NEUROD6: variants seen among roughly 807,000 people sequenced by gnomAD.
The protein encoded by NEUROD6 is neurogenic differentiation factor 6.
A neutral mutation model predicts 24.1 loss-of-function variants in NEUROD6; 5 were observed. The observed-to-expected ratio is 0.21, with a 90% CI of 0.11 to 0.44. The LOEUF is 0.44. Ranked by LOEUF, NEUROD6 falls within the 20% of genes least tolerant of loss-of-function variation. The probability of loss-of-function intolerance (pLI) is 0.99; values close to 1 mark genes in which losing one functional copy is unlikely to be tolerated. For missense variants in NEUROD6, 325 were observed against 409.5 expected (o/e 0.79, Z 1.78); for synonymous variants, 182 against 154.1 (o/e 1.18, Z -1.34).
intron 1 of NEUROD6, among the ~76,000 whole-genome samples, chr7:31,339,684 G>T (rs571768894): frequency 3.3e-5 from 5 of 152,112 alleles, no homozygotes; most frequent in Non-Finnish European, 5.9e-5. Context: ...AGCACAAAAT[G>T]AGAAGATAAA....
In NEUROD6 at chr7:31,340,710, A is replaced by G. The variant is rs183525720; in HGVS notation, c.-139T>C. 43 of 152,622 alleles carry G rather than the reference A, an allele frequency of 2.8e-4. No individual in the cohort carries two copies. Among genetic ancestry groups the G allele is most frequent in the Admixed American group, 1.5e-3 (23 of 15,298 alleles). 9.5% of individuals were successfully genotyped at this position (152,622 alleles called of 1,614,324 possible). A position where few individuals can be genotyped will look rare whatever the true frequency, so the allele number is the denominator to read the frequency against. ...GATCTGTGTATATCTGCACTATCTCATTGATCTCTAAAAAGTGACATTGAT... is the reference window on the plus strand; with the variant it reads ...GATCTGTGTATATCTGCACTATCTCGTTGATCTCTAAAAAGTGACATTGAT... On this transcript the variant is annotated 5_prime_UTR_variant, in exon 1 of 2. An upstream start codon of the reference 5' UTR is lost. Coordinates refer to ENST00000297142, the MANE Select transcript of NEUROD6 (RefSeq NM_022728.4).
In NEUROD6 at chr7:31,337,702, A is replaced by C. The variant is rs1212783140; in HGVS notation, c.*553T>G. 6.5e-6 allele frequency: 1 copy of C among 152,778 alleles called. No homozygotes were observed. The highest frequency in any genetic ancestry group is 2.4e-5 in the African/African-American group (1 of 41,454). The allele number at this position is 152,778 out of a possible 1,614,324, so 9.5% of individuals were successfully genotyped here. ...GAATAGTTACCAATTGAATGCATTT[A>C]GATTCATCCTTAATAAAAAGAAAAT... On this transcript the variant is annotated 3_prime_UTR_variant, in exon 2 of 2. Transcript: ENST00000297142.
chr7:31,337,777 G>C lies in NEUROD6; in HGVS notation c.*478C>G, dbSNP rs1466962907. The stretch of plus-strand genomic sequence containing the variant: ...AATTCATCTCCCAATATCATTGTCA[G>C]CTTAGTGATATTCTCCATATTTTAA... On this transcript the variant is annotated 3_prime_UTR_variant, in exon 2 of 2. Coordinates refer to ENST00000297142, the MANE Select transcript of NEUROD6 (RefSeq NM_022728.4). 6.5e-6 allele frequency: 1 copy of C among 153,112 alleles called. No individual in the cohort carries two copies. The highest frequency in any genetic ancestry group is 1.5e-5 in the Non-Finnish European group (1 of 68,442). 9.5% of individuals were successfully genotyped at this position (153,112 alleles called of 1,614,324 possible). A position where few individuals can be genotyped will look rare whatever the true frequency, so the allele number is the denominator to read the frequency against.
chr7:31,338,424 C>T lies in NEUROD6; in HGVS notation c.845G>A (p.Gly282Asp). 1 of 1,614,066 alleles carries T rather than the reference C, an allele frequency of 6.2e-7. No homozygotes were observed. The highest frequency in any genetic ancestry group is 8.5e-7 in the Non-Finnish European group (1 of 1,180,020). The change falls in exon 2 of 2, where the codon GGT becomes GAT. Residue 282 changes from glycine (G) to aspartate (D), a missense_variant. Around this residue, in one of 3 missense-constraint regions of NEUROD6, gnomAD observed 175 missense variants for 201.3 expected, o/e 0.87. Coordinates refer to ENST00000297142, the MANE Select transcript of NEUROD6 (RefSeq NM_022728.4). This position sits in a 1 kb window ranked among gnomAD's most constrained non-coding sequence, Gnocchi z 5.1. Reference sequence around the variant, plus strand: ...ATGCATGCCGTAATTGTAATTTTTACCATAGTCCAAGGTTTCTTCTTGCTT... The same window carrying T: ...ATGCATGCCGTAATTGTAATTTTTATCATAGTCCAAGGTTTCTTCTTGCTT... Reference protein sequence around the residue: ...SLKQEETLDYGKNYNYGMHYC... With the variant: ...SLKQEETLDYDKNYNYGMHYC...
chr7:31,338,432 C>T lies in NEUROD6; in HGVS notation c.837G>A (p.Leu279=). ...GIFSLKQEET[L]DYGKNYNYGM... ...CGTAATTGTAATTTTTACCATAGTCCAAGGTTTCTTCTTGCTTCAGGGAAA... is the reference window on the plus strand; with the variant it reads ...CGTAATTGTAATTTTTACCATAGTCTAAGGTTTCTTCTTGCTTCAGGGAAA... The change falls in exon 2 of 2, where the codon TTG becomes TTA. Residue 279 remains leucine (L), a synonymous_variant. Coordinates refer to ENST00000297142, the MANE Select transcript of NEUROD6 (RefSeq NM_022728.4). The surrounding 1 kb of genome is among the most constrained non-coding windows in gnomAD (Gnocchi z 5.1). 2.5e-6 allele frequency: 4 copies of T among 1,614,024 alleles called. No individual in the cohort carries two copies. Among genetic ancestry groups the T allele is most frequent in the Non-Finnish European group, 3.4e-6 (4 of 1,179,984 alleles).
intron 1 of NEUROD6, among the ~76,000 whole-genome samples, chr7:31,339,749 T>A (rs1232474372): frequency 7.0e-6 from 1 of 142,728 alleles, no homozygotes; most frequent in Admixed American, 7.3e-5. Context: ...TGTTCTTTTT[T>A]TAAAACAAAC....
chr7:31,338,710 T>C lies in NEUROD6; in HGVS notation c.559A>G (p.Ser187Gly), dbSNP rs777892950. The change falls in exon 2 of 2, where the codon AGT becomes GGT. Residue 187 changes from serine (S) to glycine (G), a missense_variant. Ser to Gly is a moderately conservative substitution (Grantham distance 56). This residue lies in a region of NEUROD6 where 175 missense variants were observed against 201.3 expected (regional missense o/e 0.87). Transcript: ENST00000297142. The surrounding 1 kb of genome is among the most constrained non-coding windows in gnomAD (Gnocchi z 5.1). ...VAGCLQLNAR[S>G]FLMGQGGEAA... ...TCCCCACCCTGACCCATCAGGAAAC[T>C]CCTGGCGTTGAGCTGCAAGCAGCCT... 6.2e-7 allele frequency: 1 copy of C among 1,614,100 alleles called. No homozygotes were observed. The highest frequency in any genetic ancestry group is 8.5e-7 in the Non-Finnish European group (1 of 1,180,018).
chr7:31,338,558 G>A lies in NEUROD6; in HGVS notation c.711C>T (p.Cys237=). The part of the protein sequence containing the change: ...NSKSMKPYNY[C]SAYESFYEST... ...TTTCATAGAAGGATTCATACGCACT[G>A]CAATAATTGTAGGGTTTCATGGACT... Residue 237 remains cysteine, a synonymous_variant, in exon 2 of 2, where the codon TGC becomes TGT. Transcript: ENST00000297142. This position sits in a 1 kb window ranked among gnomAD's most constrained non-coding sequence, Gnocchi z 5.1. The A allele has an allele frequency of 6.2e-7, 1 of 1,614,132 alleles. No homozygotes were observed. Among genetic ancestry groups the A allele is most frequent in the Middle Eastern group, 1.6e-4 (1 of 6,062 alleles).
In NEUROD6 at chr7:31,339,301, C is replaced by G; in HGVS notation, c.-21-12G>C. 6.4e-7 allele frequency: 1 copy of G among 1,551,410 alleles called. No individual in the cohort carries two copies. Among genetic ancestry groups the G allele is most frequent in the Non-Finnish European group, 8.7e-7 (1 of 1,154,154 alleles). ...TAATCTTAAATTACCTGAAAAAATG[C>G]CAGCACAATATTTAAAGAGTTTTCA... On this transcript the variant is annotated splice_polypyrimidine_tract_variant and intron_variant, in intron 1 of 1. Transcript: ENST00000297142.
rs762905599 is a variant in NEUROD6, at chr7:31,338,908, C to T, written c.361G>A (p.Val121Ile). ...NDALDNLRKV[V>I]PCYSKTQKLS... ...TTCTGGGTTTTAGAATAACAGGGGA[C>T]CACTTTTCTTAAGTTGTCCAGAGCG... Residue 121 changes from valine to isoleucine, a missense_variant, in exon 2 of 2, where the codon GTC (valine) becomes ATC (isoleucine). Val to Ile is a conservative substitution (Grantham distance 29). Transcript: ENST00000297142. This position sits in a 1 kb window ranked among gnomAD's most constrained non-coding sequence, Gnocchi z 5.1. The T allele has an allele frequency of 6.2e-7, 1 of 1,614,162 alleles. No individual in the cohort carries two copies. Among genetic ancestry groups the T allele is most frequent in the Non-Finnish European group, 8.5e-7 (1 of 1,180,032 alleles).
rs1783086520 is a variant in NEUROD6, at chr7:31,338,102, T to C, written c.*153A>G. The C allele has an allele frequency of 1.7e-6, 1 of 603,354 alleles. No homozygotes were observed. Among genetic ancestry groups the C allele is most frequent in the Non-Finnish European group, 2.8e-6 (1 of 351,948 alleles). The allele number at this position is 603,354 out of a possible 1,614,324, so 37.4% of individuals were successfully genotyped here. On this transcript the variant is annotated 3_prime_UTR_variant, in exon 2 of 2. Coordinates refer to ENST00000297142, the MANE Select transcript of NEUROD6 (RefSeq NM_022728.4). This position sits in a 1 kb window ranked among gnomAD's most constrained non-coding sequence, Gnocchi z 5.1. ...TTCTCATACGAAAAGAGATTTATTA[T>C]TACATAGAAAATTCTCACAATAGTT...
intron 1 of NEUROD6, among the ~76,000 whole-genome samples, chr7:31,340,113 C>G (rs941724416): frequency 6.6e-6 from 1 of 152,194 alleles, no homozygotes; most frequent in African/African-American, 2.4e-5. Context: ...ACAAAAACCA[C>G]TCTCGTAGTG....
intron 1 of NEUROD6, among the ~76,000 whole-genome samples, chr7:31,340,195 G>A (rs1166830014): frequency 6.6e-6 from 1 of 152,174 alleles, no homozygotes; most frequent in Non-Finnish European, 1.5e-5. Context: ...GATTCTGACT[G>A]CAATTGTGCA....
Position 31,338,361 on chromosome 7 carries a change from C to A in NEUROD6, c.908G>T (p.Gly303Val). 6.2e-7 allele frequency: 1 copy of A among 1,614,026 alleles called. No homozygotes were observed. The highest frequency in any genetic ancestry group is 8.5e-7 in the Non-Finnish European group (1 of 1,180,014). ...GTCGGTGGGCAACCTGAACATGGCA[C>A]CCTGCCCAAGGGGACCCCTGGGTGG... ...AVPPRGPLGQ[G>V]AMFRLPTDSH... Residue 303 changes from glycine to valine, a missense_variant, in exon 2 of 2, where the codon GGT (glycine) becomes GTT (valine). This residue lies in a region of NEUROD6 where 175 missense variants were observed against 201.3 expected (regional missense o/e 0.87). Transcript: ENST00000297142. The surrounding 1 kb of genome is among the most constrained non-coding windows in gnomAD (Gnocchi z 5.1).
At position 31,338,072 on chromosome 7, in the gene NEUROD6, A is replaced by G. The variant is rs1374934506; in HGVS notation, c.*183T>C. ...GCTTCACAGACAAAAGGAAAGGAAA[A>G]GAAGTTCTCATACGAAAAGAGATTT... On this transcript the variant is annotated 3_prime_UTR_variant, in exon 2 of 2. Transcript: ENST00000297142. The surrounding 1 kb of genome is among the most constrained non-coding windows in gnomAD (Gnocchi z 5.1). 5.2e-6 allele frequency: 3 copies of G among 572,608 alleles called. No homozygotes were observed. Among genetic ancestry groups the G allele is most frequent in the Non-Finnish European group, 9.2e-6 (3 of 326,814 alleles). The allele number at this position is 572,608 out of a possible 1,614,324, so 35.5% of individuals were successfully genotyped here.
At position 31,338,251 on chromosome 7, in the gene NEUROD6, C is replaced by T; in HGVS notation, c.*4G>A. 1 of 1,609,570 alleles carries T rather than the reference C, an allele frequency of 6.2e-7. No homozygotes were observed. The highest frequency in any genetic ancestry group is 1.7e-4 in the Middle Eastern group (1 of 6,036). ...ATGACCACTGTTTATTTTCATTTTCCTCATTAATTATGAAAAACTGCATTT... is the reference window on the plus strand; with the variant it reads ...ATGACCACTGTTTATTTTCATTTTCTTCATTAATTATGAAAAACTGCATTT... On this transcript the variant is annotated 3_prime_UTR_variant, in exon 2 of 2. Transcript: ENST00000297142. The surrounding 1 kb of genome is among the most constrained non-coding windows in gnomAD (Gnocchi z 5.1).
Position 31,338,055 on chromosome 7 carries a change from G to C in NEUROD6, c.*200C>G. The C allele has an allele frequency of 1.8e-6, 1 of 559,498 alleles. No individual in the cohort carries two copies. The highest frequency in any genetic ancestry group is 3.1e-6 in the Non-Finnish European group (1 of 318,412). The allele number at this position is 559,498 out of a possible 1,614,324, so 34.7% of individuals were successfully genotyped here. On this transcript the variant is annotated 3_prime_UTR_variant, in exon 2 of 2. Coordinates refer to ENST00000297142, the MANE Select transcript of NEUROD6 (RefSeq NM_022728.4). The surrounding 1 kb of genome is among the most constrained non-coding windows in gnomAD (Gnocchi z 5.1). Reference sequence around the variant, plus strand: ...AGAAACAGAATCACAGTGCTTCACAGACAAAAGGAAAGGAAAAGAAGTTCT... The same window carrying C: ...AGAAACAGAATCACAGTGCTTCACACACAAAAGGAAAGGAAAAGAAGTTCT...
chr7:31,338,863 A>G lies in NEUROD6; in HGVS notation c.406T>C (p.Leu136=). 1.9e-6 allele frequency: 3 copies of G among 1,614,124 alleles called. No homozygotes were observed. The highest frequency in any genetic ancestry group is 2.5e-6 in the Non-Finnish European group (3 of 1,180,026). Residue 136 remains leucine, a synonymous_variant, in exon 2 of 2, where the codon TTA becomes CTA. Coordinates refer to ENST00000297142, the MANE Select transcript of NEUROD6 (RefSeq NM_022728.4). The surrounding 1 kb of genome is among the most constrained non-coding windows in gnomAD (Gnocchi z 5.1). ...KTQKLSKIET[L]RLAKNYIWAL... is the part of the protein sequence containing the mutation. Reference sequence around the variant, plus strand: ...CAGATGTAGTTTTTGGCCAGTCGTAAAGTCTCTATTTTGGACAGTTTCTGG... The same window carrying G: ...CAGATGTAGTTTTTGGCCAGTCGTAGAGTCTCTATTTTGGACAGTTTCTGG...
chr7:31,339,816 A>G (rs1306849396), intron 1 of NEUROD6, among the ~76,000 whole-genome samples: 2 of 152,180 alleles, frequency 1.3e-5, no homozygotes, highest in African/African-American at 4.8e-5. Flanking sequence ...GTGAATTTAG[A>G]TAAGTGGGTG....
Sources: allele counts gnomAD v4.1 joint callset (sites outside exome capture counted in the v4.1 genomes callset), GRCh38; gene constraint gnomAD v4.1.1; regional missense constraint gnomAD v4.1.1; non-coding constraint Gnocchi (gnomAD v3.1); transcripts MANE v1.5; gene names NCBI Gene and HGNC (gene_info 2026-07-23, HGNC 2026-07-21).